The following GNB1 variants were observed in gnomAD, a reference collection of about 807,000 sequenced individuals.
The protein encoded by GNB1 is guanine nucleotide-binding protein G(I)/G(S)/G(T) subunit beta-1.
A neutral mutation model predicts 42.9 loss-of-function variants in GNB1; 2 were observed. That is an observed-to-expected ratio of 0.05 (90% confidence interval 0.02 to 0.15). The LOEUF is 0.15. Ranked by LOEUF, GNB1 falls within the 10% of genes least tolerant of loss-of-function variation. The pLI, the probability that GNB1 is intolerant of heterozygous loss-of-function variation, is 1.00. For synonymous variants in GNB1, 183 were observed against 174.7 expected, an observed-to-expected ratio of 1.05 and a Z score of -0.38; for missense variants, 193 against 462.2, an observed-to-expected ratio of 0.42 and a Z score of 5.34.
chr1:1,860,597 A>C (rs1195303117), intron 1 of GNB1, among the ~76,000 whole-genome samples: 2 of 151,000 alleles, frequency 1.3e-5, no homozygotes, highest in Non-Finnish European at 3.0e-5. Flanking sequence ...AGATCACGCC[A>C]CTGCACTCCA....
chr1:1,851,135 C>T (rs1311624406), intron 1 of GNB1, among the ~76,000 whole-genome samples: 1 of 152,002 alleles, frequency 6.6e-6, no homozygotes, highest in African/African-American at 2.4e-5. Context: ...AGGCGCCAGG[C>T]GCGGAGGCTC....
chr1:1,868,479 C>T (rs369428418), intron 1 of GNB1, among the ~76,000 whole-genome samples: 32 of 152,224 alleles, frequency 2.1e-4, no homozygotes, highest in East Asian at 7.7e-4. Flanking sequence ...CATGTTTTCC[C>T]GTTTTTAAAA....
At chr1:1,883,276 C>A (rs61775017) in intron 1 of GNB1, among the ~76,000 whole-genome samples, 1 of 137,324 alleles carries the variant, frequency 7.3e-6, no homozygotes, top group Non-Finnish European at 1.6e-5. Context: ...AAAACCCTGT[C>A]CCAAAAAAAA....
intron 1 of GNB1, among the ~76,000 whole-genome samples, chr1:1,855,696 T>G (rs2101585637): frequency 6.7e-6 from 1 of 150,240 alleles, no homozygotes; most frequent in Non-Finnish European, 1.5e-5. Context: ...ACAGCGAGAC[T>G]CCGTCTCAAA....
intron 1 of GNB1, among the ~76,000 whole-genome samples, chr1:1,864,917 T>C (rs963280269): frequency 4.6e-5 from 7 of 152,214 alleles, no homozygotes; most frequent in Admixed American, 2.0e-4. Context: ...TTTTGCCTGA[T>C]TGCCTTGTAC....
At chr1:1,843,442 G>C (rs1203185626) in intron 1 of GNB1, among the ~76,000 whole-genome samples, 1 of 152,088 alleles carries the variant, frequency 6.6e-6, no homozygotes, top group Non-Finnish European at 1.5e-5. Context: ...GCGCAGGCTG[G>C]TCTTTAACTC....
At chr1:1,840,660 A>G (rs552397372) in intron 1 of GNB1, among the ~76,000 whole-genome samples, 14 of 152,362 alleles carry the variant, frequency 9.2e-5, no homozygotes, top group African/African-American at 3.4e-4. Flanking sequence ...CAAGGAAGCC[A>G]CTAAATAACT....
intron 1 of GNB1, among the ~76,000 whole-genome samples, chr1:1,883,149 G>C (rs771277639): frequency 6.6e-6 from 1 of 151,742 alleles, no homozygotes; most frequent in Non-Finnish European, 1.5e-5. Flanking sequence ...GCATGTGCCC[G>C]TGGTCCTAGC....
intron 1 of GNB1, among the ~76,000 whole-genome samples, chr1:1,851,813 G>A (rs958241427): frequency 1.3e-5 from 2 of 152,064 alleles, no homozygotes; most frequent in African/African-American, 4.8e-5. Flanking sequence ...GGAGGCTGAG[G>A]TGGGTGGATC....
intron 1 of GNB1, among the ~76,000 whole-genome samples, chr1:1,855,467 C>A (rs553551759): frequency 6.6e-6 from 1 of 152,042 alleles, no homozygotes; most frequent in Non-Finnish European, 1.5e-5. Flanking sequence ...TTTGGGAGGC[C>A]GAGGCGGGCG....
intron 1 of GNB1, among the ~76,000 whole-genome samples, chr1:1,846,189 C>A (rs1647656546): frequency 6.6e-6 from 1 of 151,512 alleles, no homozygotes; most frequent in African/African-American, 2.4e-5. Context: ...AAAGAACACA[C>A]AAGCACATGG....
rs913803754 is a variant in GNB1 at position 1,836,951 on chromosome 1, T to G, written c.-47+2239A>C. On this transcript the variant is annotated intron_variant, in intron 2 of 11. Transcript: ENST00000378609. ...GCTTCAAGCAATCCTCCTCCCAAAG[T>G]GCTGGGATTACAGGTGTTAGCCATA... Among the ~76,000 whole-genome samples, 7 of 150,438 alleles carry G rather than the reference T, an allele frequency of 4.7e-5. 1 individual carries two copies. Among genetic ancestry groups the G allele is most frequent in the African/African-American group, 1.7e-4 (7 of 40,786 alleles).
chr1:1,848,929 G>A (rs1647831761), intron 1 of GNB1, among the ~76,000 whole-genome samples: 1 of 152,236 alleles, frequency 6.6e-6, no homozygotes, highest in Non-Finnish European at 1.5e-5. Context: ...ACTATTGGAT[G>A]TTCCGGAGTG....
intron 2 of GNB1, among the ~76,000 whole-genome samples, chr1:1,835,276 G>A (rs1240163427): frequency 6.6e-6 from 1 of 152,126 alleles, no homozygotes; most frequent in Non-Finnish European, 1.5e-5. Flanking sequence ...GGAAGCCCCA[G>A]GTTCTAACCC....
At chr1:1,796,562 T>C (rs144129878) in intron 7 of GNB1, among the ~76,000 whole-genome samples, 110 of 152,348 alleles carry the variant, frequency 7.2e-4, no homozygotes, top group African/African-American at 2.3e-3. Context: ...TCTGTTATTA[T>C]TGAATTTGAA....
intron 1 of GNB1, among the ~76,000 whole-genome samples, chr1:1,846,651 T>A (rs12126768): frequency 3.9e-5 from 6 of 152,148 alleles, no homozygotes; most frequent in Admixed American, 2.0e-4. Flanking sequence ...CTTGAACTCC[T>A]AGGCACAGCC....
rs778677098 is a variant in GNB1, at chr1:1,789,072, T to A, written c.897A>T (p.Ala299=). The change falls in exon 10 of 12, where the codon GCA becomes GCT. Residue 299 remains alanine (A), a synonymous_variant. Coordinates refer to ENST00000378609, the MANE Select transcript of GNB1 (RefSeq NM_002074.5). ...ACGTACCTGCCCGGTCGGCTTTGAG[T>A]GCATCCCAGACGTTGCAGTTGAAGT... ...YDDFNCNVWD[A]LKADRAGVLA... 2 of 1,613,816 alleles carry A rather than the reference T, an allele frequency of 1.2e-6. No individual in the cohort carries two copies. Among genetic ancestry groups the A allele is most frequent in the African/African-American group, 1.3e-5 (1 of 74,898 alleles).
At chr1:1,814,265 C>A (rs1378765235) in intron 5 of GNB1, among the ~76,000 whole-genome samples, 1 of 152,156 alleles carries the variant, frequency 6.6e-6, no homozygotes, top group Non-Finnish European at 1.5e-5. Context: ...AAAAGCCTAG[C>A]AGAAAATTCC....
intron 1 of GNB1, among the ~76,000 whole-genome samples, chr1:1,860,770 A>C (rs958859241): frequency 6.6e-6 from 1 of 151,946 alleles, no homozygotes; most frequent in Admixed American, 6.6e-5. Context: ...CTCAGCTCTA[A>C]ATCCACCCCA....
Sources: allele counts gnomAD v4.1 joint callset (sites outside exome capture counted in the v4.1 genomes callset), GRCh38; gene constraint gnomAD v4.1.1; transcripts MANE v1.5; gene names NCBI Gene and HGNC (gene_info 2026-07-23, HGNC 2026-07-21).